The following MBOAT1 variants were observed in gnomAD, a reference collection of about 807,000 sequenced individuals.
The protein encoded by MBOAT1 is membrane bound glycerophospholipid O-acyltransferase 1.
Under a neutral mutation model 64.4 loss-of-function variants are expected in MBOAT1, and 67 were observed. That is an observed-to-expected ratio of 1.04 (90% CI 0.85 to 1.27). MBOAT1 has a LOEUF of 1.27. MBOAT1 is among the 50% of genes most tolerant of loss of function. The pLI, the probability that MBOAT1 is intolerant of heterozygous loss-of-function variation, is 0.00. For missense variants in MBOAT1, 563 were observed against 604.6 expected, an observed-to-expected ratio of 0.93 and a Z score of 0.72; for synonymous variants, 229 against 218.9, an observed-to-expected ratio of 1.05 and a Z score of -0.41.
In MBOAT1 at chr6:20,166,947, GAAAGAAAAGAAAA is replaced by G. The variant is rs761256173; in HGVS notation, c.100-14191_100-14179del. Among the ~76,000 whole-genome samples the G allele has an allele frequency of 4.0e-5, 6 of 149,678 alleles. No individual in the cohort carries two copies. In the South Asian group the frequency reaches 1.1e-3, roughly 26 times the overall value. ...GAGTGAGACCCTGTCACGAATGAAT[GAAAGAAAAGAAAA>G]AAAGAAAAGAAAAGGGAAAAGGAAA... On this transcript the variant is annotated intron_variant, in intron 1 of 12. Coordinates refer to ENST00000324607, the MANE Select transcript of MBOAT1 (RefSeq NM_001080480.3).
Position 20,175,955 on chromosome 6 carries a change from G to A in MBOAT1, c.100-23186C>T, listed in dbSNP as rs900410261. Among the ~76,000 whole-genome samples the A allele has an allele frequency of 2.6e-5, 4 of 152,146 alleles. No individual in the cohort carries two copies. The South Asian group carries it at 8.3e-4, about 31-fold the overall frequency. Reference sequence around the variant, plus strand: ...TATACTTTTCTCTTCACAAGAAGCTGAAGAAACAGTATCACCTGCTGACAA... The same window carrying A: ...TATACTTTTCTCTTCACAAGAAGCTAAAGAAACAGTATCACCTGCTGACAA... On this transcript the variant is annotated intron_variant, in intron 1 of 12. Coordinates refer to ENST00000324607, the MANE Select transcript of MBOAT1 (RefSeq NM_001080480.3).
chr6:20,212,032 A>C lies in MBOAT1; in HGVS notation c.99+104T>G, dbSNP rs1763442969. 2.7e-5 allele frequency: 26 copies of C among 946,752 alleles called. No individual in the cohort carries two copies. In the South Asian group the frequency reaches 3.9e-4, roughly 14 times the overall value. The allele number at this position is 946,752 out of a possible 1,614,324, so 58.6% of individuals were successfully genotyped here. ...AACCAACTGTCTAGTGTGTGGCTGT[A>C]AAATACGCCATGGAGGCGGAGGGAC... is the stretch of plus-strand genomic sequence containing the variant. On this transcript the variant is annotated intron_variant, in intron 1 of 12. Coordinates refer to ENST00000324607, the MANE Select transcript of MBOAT1 (RefSeq NM_001080480.3).
intron 4 of MBOAT1, among the ~76,000 whole-genome samples, chr6:20,140,016 C>G (rs1286133636): frequency 6.6e-6 from 1 of 152,148 alleles, no homozygotes; most frequent in Non-Finnish European, 1.5e-5. Context: ...AAAGCCTTTC[C>G]TTGGAGTGCA....
At chr6:20,114,392 T>C (rs76493330) in intron 10 of MBOAT1, among the ~76,000 whole-genome samples, 3,200 of 152,272 alleles carry the variant, frequency 0.021, 101 homozygotes, top group African/African-American at 0.072. Context: ...TTGGAACATG[T>C]AGGAAAACAA....
intron 12 of MBOAT1, among the ~76,000 whole-genome samples, chr6:20,106,178 T>C (rs1388253080): frequency 6.6e-6 from 1 of 152,244 alleles, no homozygotes; most frequent in Non-Finnish European, 1.5e-5. Context: ...AGCTACGCAA[T>C]TTTATTTCTT....
chr6:20,166,862 C>T (rs181504510), intron 1 of MBOAT1, among the ~76,000 whole-genome samples: 100 of 151,782 alleles, frequency 6.6e-4, no homozygotes, highest in African/African-American at 2.2e-3. Flanking sequence ...TCACTTAAGC[C>T]GAGCAGATCA....
intron 6 of MBOAT1, among the ~76,000 whole-genome samples, chr6:20,127,306 G>A (rs200913743): frequency 1.3e-5 from 2 of 152,136 alleles, no homozygotes; most frequent in East Asian, 3.9e-4. Flanking sequence ...CATTTTGGAA[G>A]GCCTGTTCTA....
intron 8 of MBOAT1, among the ~76,000 whole-genome samples, chr6:20,123,568 A>T (rs2113647341): frequency 6.6e-6 from 1 of 152,324 alleles, no homozygotes; most frequent in Non-Finnish European, 1.5e-5. Flanking sequence ...GAAAAAACAA[A>T]AGGTGTGATA....
chr6:20,140,946 A>G (rs1179603351), intron 4 of MBOAT1, among the ~76,000 whole-genome samples: 1 of 152,164 alleles, frequency 6.6e-6, no homozygotes, highest in African/African-American at 2.4e-5. Context: ...CACTCTGTGC[A>G]CCAGGGACAA....
intron 8 of MBOAT1, among the ~76,000 whole-genome samples, chr6:20,123,224 G>A (rs1424622569): frequency 3.9e-5 from 6 of 152,154 alleles, no homozygotes; most frequent in Admixed American, 1.3e-4. Context: ...AGAGAGAAGA[G>A]GAACTCAAGG....
intron 1 of MBOAT1, among the ~76,000 whole-genome samples, chr6:20,208,378 G>A (rs528776438): frequency 1.4e-5 from 2 of 145,290 alleles, no homozygotes; most frequent in African/African-American, 2.5e-5. Flanking sequence ...CCTGGGAGGC[G>A]GAGGTTGCAC....
intron 3 of MBOAT1, among the ~76,000 whole-genome samples, chr6:20,150,467 G>C (rs781610953): frequency 3.4e-4 from 51 of 151,762 alleles, no homozygotes; most frequent in Non-Finnish European, 3.8e-4. Flanking sequence ...TTCTAGAATA[G>C]AATTTGTGTG....
chr6:20,157,230 A>G (rs1402946490), intron 1 of MBOAT1, among the ~76,000 whole-genome samples: 1 of 152,184 alleles, frequency 6.6e-6, no homozygotes, highest in Non-Finnish European at 1.5e-5. Flanking sequence ...GTTCAAGGTT[A>G]TGGAGAGCTA....
At chr6:20,182,878 GA>G (rs896597445) in intron 1 of MBOAT1, among the ~76,000 whole-genome samples, 3 of 152,194 alleles carry the variant, frequency 2.0e-5, no homozygotes, top group African/African-American at 4.8e-5. Flanking sequence ...CAACTCATAG[GA>G]GGGGGTGACA....
At chr6:20,143,262 C>T (rs1761229561) in intron 4 of MBOAT1, among the ~76,000 whole-genome samples, 1 of 152,212 alleles carries the variant, frequency 6.6e-6, no homozygotes, top group Non-Finnish European at 1.5e-5. Context: ...CTAACCTCAA[C>T]AGGGCATAGA....
intron 4 of MBOAT1, among the ~76,000 whole-genome samples, chr6:20,135,221 TA>T: frequency 6.6e-6 from 1 of 152,024 alleles, no homozygotes; most frequent in Non-Finnish European, 1.5e-5. Flanking sequence ...TTTTCATTAT[TA>T]AAAAAAGCCA....
chr6:20,155,256 C>T (rs1390892022), intron 1 of MBOAT1, among the ~76,000 whole-genome samples: 2 of 152,204 alleles, frequency 1.3e-5, no homozygotes, highest in Admixed American at 6.5e-5. Context: ...ATTTCCTAGG[C>T]AGGATCTGGC....
At position 20,126,565 on chromosome 6, in the gene MBOAT1, C is replaced by T; in HGVS notation, c.666G>A (p.Val222=). 1 of 1,612,956 alleles carries T rather than the reference C, an allele frequency of 6.2e-7. No individual in the cohort carries two copies. The highest frequency in any genetic ancestry group is 8.5e-7 in the Non-Finnish European group (1 of 1,179,772). ...TGTGGAAACCTTTTCGCTTCCAGTT[C>T]ACCTCCAGCAACTTCATGTGTATAT... ...GKHIHMKLLE[V]NWKRKGFHSL... Residue 222 remains valine, a synonymous_variant, in exon 7 of 13, where the codon GTG becomes GTA. Coordinates refer to ENST00000324607, the MANE Select transcript of MBOAT1 (RefSeq NM_001080480.3).
chr6:20,125,147 T>A (rs1581406013), intron 7 of MBOAT1, among the ~76,000 whole-genome samples: 1 of 152,292 alleles, frequency 6.6e-6, no homozygotes, highest in Admixed American at 6.5e-5. Flanking sequence ...ACTCTGGGGT[T>A]AATTATGTGC....
Sources: gnomAD v4.1 joint callset for allele counts (sites outside exome capture counted in the v4.1 genomes callset) on GRCh38, gnomAD v4.1.1 for gene constraint, MANE v1.5 for transcripts, NCBI Gene and HGNC (gene_info 2026-07-23, HGNC 2026-07-21) for gene names.